The following NCKAP5 variants were observed in gnomAD, a reference collection of about 807,000 sequenced individuals.
NCKAP5 encodes the protein nck-associated protein 5.
NCKAP5 carries 92 observed loss-of-function variants against 167.0 expected under a neutral mutation model. That is an observed-to-expected ratio of 0.55 (90% CI 0.47 to 0.66). The LOEUF is 0.66. NCKAP5 is among the 30% of genes least tolerant of loss of function. The pLI is 0.00. For missense variants in NCKAP5, 2,378 were observed against 2,315.0 expected, an observed-to-expected ratio of 1.03 and a Z score of -0.56; for synonymous variants, 891 against 877.4, an observed-to-expected ratio of 1.02 and a Z score of -0.27.
At chr2:133,629,183 C>T in the NCKAP5 span, among the ~76,000 whole-genome samples, 2 of 152,150 alleles carry the variant, frequency 1.3e-5, no homozygotes, top group African/African-American at 4.8e-5. Flanking sequence ...AAGAAACTAT[C>T]ATCAGAGTGA....
At chr2:133,653,304 A>G in the NCKAP5 span, among the ~76,000 whole-genome samples, 1 of 152,212 alleles carries the variant, frequency 6.6e-6, no homozygotes, top group African/African-American at 2.4e-5. Context: ...AGCATATTAA[A>G]CAACATATTG....
the NCKAP5 span, among the ~76,000 whole-genome samples, chr2:133,656,530 T>C: frequency 6.6e-6 from 1 of 152,100 alleles, no homozygotes; most frequent in African/African-American, 2.4e-5. Flanking sequence ...AAGCCTAAAG[T>C]GGTCATGGGG....
chr2:132,783,169 T>C lies in NCKAP5; in HGVS notation c.3642A>G (p.Gln1214=), dbSNP rs1189790229. The C allele has an allele frequency of 7.4e-6, 12 of 1,613,720 alleles. No individual in the cohort carries two copies. The highest frequency in any genetic ancestry group is 1.3e-5 in the African/African-American group (1 of 74,938). The part of the protein sequence containing the change: ...GERNVTLPDS[Q]AQGSLADGLP... ...GCCCATCAGCTAAACTGCCCTGTGC[T>C]TGTGAATCCGGTAGGGTCACATTTC... Residue 1214 remains glutamine, a synonymous_variant, in exon 14 of 20, where the codon CAA becomes CAG. Transcript: ENST00000409261.
chr2:132,742,695 C>A (rs1051851352), intron 16 of NCKAP5, among the ~76,000 whole-genome samples: 2 of 151,780 alleles, frequency 1.3e-5, no homozygotes, highest in Admixed American at 1.3e-4. Context: ...CAATTATATG[C>A]AGAAAAGAAG....
At chr2:133,009,016 TG>T (rs2078064268) in intron 6 of NCKAP5, among the ~76,000 whole-genome samples, 1 of 152,192 alleles carries the variant, frequency 6.6e-6, no homozygotes, top group South Asian at 2.1e-4. Flanking sequence ...CTGACAATTG[TG>T]GCCCACTGGA....
intron 18 of NCKAP5, among the ~76,000 whole-genome samples, chr2:132,726,545 T>C (rs2105437051): frequency 6.6e-6 from 1 of 152,320 alleles, no homozygotes; most frequent in South Asian, 2.1e-4. Flanking sequence ...CCCTTTTTTC[T>C]GTTTGTAGAA....
rs1683371503 is a variant in NCKAP5 at position 132,784,494 on chromosome 2, G to A, written c.2317C>T (p.Leu773=). 1 of 1,572,726 alleles carries A rather than the reference G, an allele frequency of 6.4e-7. No homozygotes were observed. The stretch of plus-strand genomic sequence containing the variant: ...GATATATTGTGTGTTGGTTTGACCA[G>A]CTTTTGCTGCTGAGGATTTTGTGTC... ...TVTQNPQQQK[L]VKPTHNISCQ... Residue 773 remains leucine, a synonymous_variant, in exon 14 of 20, where the codon CTG becomes TTG. Coordinates refer to ENST00000409261, the MANE Select transcript of NCKAP5 (RefSeq NM_207363.3).
intron 7 of NCKAP5, among the ~76,000 whole-genome samples, chr2:132,987,800 C>T (rs1030993884): frequency 1.3e-5 from 2 of 152,194 alleles, no homozygotes; most frequent in Non-Finnish European, 2.9e-5. Context: ...TGGCAGTCTA[C>T]CCAGCTAATT....
chr2:133,527,250 C>T (rs1684997922), intron 2 of NCKAP5: 2 of 152,120 alleles, frequency 1.3e-5, no homozygotes, highest in South Asian at 4.2e-4. Flanking sequence ...GAAAATCCAG[C>T]AAAAGGTTTA....
chr2:132,688,740 G>T (rs1042861449), intron 19 of NCKAP5, among the ~76,000 whole-genome samples: 1 of 151,958 alleles, frequency 6.6e-6, no homozygotes, highest in South Asian at 2.1e-4. Flanking sequence ...AAGCCTCTTT[G>T]CTTGTGAGGC....
chr2:132,782,162 T>C lies in NCKAP5; in HGVS notation c.4649A>G (p.Glu1550Gly). The change falls in exon 14 of 20, where the codon GAA (glutamate) becomes GGA (glycine). Residue 1550 changes from glutamate to glycine, a missense_variant. This residue lies in a region of NCKAP5 where 1,325 missense variants were observed against 1,274.5 expected (regional missense o/e 1.04). Coordinates refer to ENST00000409261, the MANE Select transcript of NCKAP5 (RefSeq NM_207363.3). ...LGFGNRQLKSERKKEKKKPEL... is the reference protein window; with the variant it reads ...LGFGNRQLKSGRKKEKKKPEL... Reference sequence around the variant, plus strand: ...AGGCTTCTTTTTCTCTTTTTTTCTTTCTGATTTTAGTTGTCTGTTTCCAAA... The same window carrying C: ...AGGCTTCTTTTTCTCTTTTTTTCTTCCTGATTTTAGTTGTCTGTTTCCAAA... 1 of 1,609,114 alleles carries C rather than the reference T, an allele frequency of 6.2e-7. No homozygotes were observed. Among genetic ancestry groups the C allele is most frequent in the Non-Finnish European group, 8.5e-7 (1 of 1,178,850 alleles).
At position 133,168,419 on chromosome 2, in the gene NCKAP5, C is replaced by T. The variant is rs114940775; in HGVS notation, c.208-38308G>A. Among the ~76,000 whole-genome samples, 708 of 152,076 alleles carry T rather than the reference C, an allele frequency of 4.7e-3. 1 individual carries two copies. Among genetic ancestry groups the T allele is most frequent in the African/African-American group, 0.016 (658 of 41,464 alleles). Reference sequence around the variant, plus strand: ...CCTGCTCATTCCTGACAGAGGTGTCCGCACTGTTTCTGGGGTTCCTTTCAT... The same window carrying T: ...CCTGCTCATTCCTGACAGAGGTGTCTGCACTGTTTCTGGGGTTCCTTTCAT... On this transcript the variant is annotated intron_variant, in intron 5 of 19. Coordinates refer to ENST00000409261, the MANE Select transcript of NCKAP5 (RefSeq NM_207363.3).
intron 3 of NCKAP5, among the ~76,000 whole-genome samples, chr2:133,443,705 C>G (rs1691001773): frequency 6.6e-6 from 1 of 152,214 alleles, no homozygotes; most frequent in Admixed American, 6.5e-5. Context: ...TGAGTCTCCT[C>G]CTTCCACTTC....
At chr2:133,185,920 C>T (rs1378306926) in intron 5 of NCKAP5, among the ~76,000 whole-genome samples, 5 of 152,080 alleles carry the variant, frequency 3.3e-5, no homozygotes, top group South Asian at 2.1e-4. Flanking sequence ...GATAGTTTGA[C>T]TTCTTCTTTT....
At chr2:132,738,894 C>A (rs575882847) in intron 16 of NCKAP5, among the ~76,000 whole-genome samples, 2 of 152,154 alleles carry the variant, frequency 1.3e-5, no homozygotes, top group Admixed American at 6.5e-5. Flanking sequence ...GGGCACCAAG[C>A]CATTCATAAG....
At chr2:132,924,664 T>G (rs1414982420) in intron 8 of NCKAP5, among the ~76,000 whole-genome samples, 4 of 152,196 alleles carry the variant, frequency 2.6e-5, no homozygotes, top group Non-Finnish European at 5.9e-5. Flanking sequence ...TGGATTAGAT[T>G]ATGAAAGGTT....
intron 2 of NCKAP5, among the ~76,000 whole-genome samples, chr2:133,520,151 A>G (rs1048192650): frequency 6.6e-6 from 1 of 152,326 alleles, no homozygotes; most frequent in Admixed American, 6.5e-5. Flanking sequence ...AGATCGCGCC[A>G]CTGCACTCCA....
intron 3 of NCKAP5, among the ~76,000 whole-genome samples, chr2:133,427,008 C>T (rs1042707902): frequency 6.6e-6 from 1 of 152,104 alleles, no homozygotes; most frequent in Non-Finnish European, 1.5e-5. Flanking sequence ...GCAAATTTTC[C>T]CTGCAGCATT....
chr2:133,480,362 C>T (rs1451498272), intron 3 of NCKAP5, among the ~76,000 whole-genome samples: 29 of 152,174 alleles, frequency 1.9e-4, no homozygotes, highest in Admixed American at 1.8e-3. Context: ...TTCTAACAAA[C>T]ACACTCCAGC....
Sources: allele counts gnomAD v4.1 joint callset (sites outside exome capture counted in the v4.1 genomes callset), GRCh38; gene constraint gnomAD v4.1.1; regional missense constraint gnomAD v4.1.1; transcripts MANE v1.5; gene names NCBI Gene and HGNC (gene_info 2026-07-23, HGNC 2026-07-21).